Variants in CDC42SE2 observed in about 807,000 individuals in gnomAD.
CDC42SE2 encodes the protein CDC42 small effector protein 2.
In CDC42SE2, 3 loss-of-function variants were observed where a neutral mutation model predicts 11.5. The observed-to-expected ratio is 0.26, with a 90% CI of 0.12 to 0.67. The LOEUF (loss-of-function observed/expected upper bound fraction) is 0.67. CDC42SE2 is among the 30% of genes least tolerant of loss of function. The probability of loss-of-function intolerance (pLI) is 0.80; values close to 1 mark genes in which losing one functional copy is unlikely to be tolerated. For missense variants in CDC42SE2, 82 were observed against 106.8 expected (o/e 0.77, Z 1.02); for synonymous variants, 33 against 34.8 (o/e 0.95, Z 0.18).
intron 1 of CDC42SE2, among the ~76,000 whole-genome samples, chr5:131,268,919 T>G (rs373504719): frequency 6.6e-6 from 1 of 151,702 alleles, no homozygotes; most frequent in East Asian, 1.9e-4. Flanking sequence ...CCTGGCTAAT[T>G]TTTGTATTTT....
chr5:131,221,171 G>A, the CDC42SE2 span, among the ~76,000 whole-genome samples: 3 of 152,048 alleles, frequency 2.0e-5, no homozygotes, highest in Non-Finnish European at 4.4e-5. Flanking sequence ...CAGACGCCCA[G>A]CCTCACCAGA....
At chr5:131,268,896 G>A (rs1038846896) in intron 1 of CDC42SE2, among the ~76,000 whole-genome samples, 2 of 151,138 alleles carry the variant, frequency 1.3e-5, no homozygotes, top group Non-Finnish European at 2.9e-5. Flanking sequence ...GACTACAGGC[G>A]TGTGCCACCA....
At chr5:131,356,931 C>T (rs1374421804) in intron 2 of CDC42SE2, among the ~76,000 whole-genome samples, 2 of 151,996 alleles carry the variant, frequency 1.3e-5, no homozygotes, top group African/African-American at 4.8e-5. Flanking sequence ...TTTTTAATTT[C>T]ACAAAGGCTT....
At chr5:131,379,586 A>T (rs531063630) in intron 3 of CDC42SE2, among the ~76,000 whole-genome samples, 1 of 152,190 alleles carries the variant, frequency 6.6e-6, no homozygotes, top group South Asian at 2.1e-4. Context: ...CAAATTGTTT[A>T]GTTCATTATC....
the CDC42SE2 span, among the ~76,000 whole-genome samples, chr5:131,232,925 G>T: frequency 6.6e-6 from 1 of 150,456 alleles, no homozygotes. Context: ...TGACTAGGCT[G>T]CACACAGTAA....
chr5:131,286,146 C>T (rs1757335271), intron 1 of CDC42SE2, among the ~76,000 whole-genome samples: 1 of 150,916 alleles, frequency 6.6e-6, no homozygotes, highest in Non-Finnish European at 1.5e-5. Context: ...CCTCAACCTC[C>T]TGGGCTCAAG....
intron 2 of CDC42SE2, 134 bp from the exon 3 acceptor site, chr5:131,359,075 A>G (rs1749635378): frequency 6.3e-6 from 1 of 158,196 alleles, no homozygotes; most frequent in Non-Finnish European, 1.4e-5. Flanking sequence ...AATTTGTTGA[A>G]TCAATATCAG....
At chr5:131,228,695 T>A in the CDC42SE2 span, among the ~76,000 whole-genome samples, 1 of 152,212 alleles carries the variant, frequency 6.6e-6, no homozygotes, top group South Asian at 2.1e-4. Context: ...GAGGCCCTAA[T>A]TCCCAGTGTG....
chr5:131,377,598 A>G (rs559732997), intron 3 of CDC42SE2, among the ~76,000 whole-genome samples: 5 of 152,210 alleles, frequency 3.3e-5, no homozygotes, highest in African/African-American at 7.2e-5. Context: ...AACTTGCTCA[A>G]TCTGAAAATC....
intron 4 of CDC42SE2, among the ~76,000 whole-genome samples, chr5:131,386,704 T>C (rs1479228715): frequency 1.3e-5 from 2 of 152,220 alleles, no homozygotes; most frequent in Non-Finnish European, 2.9e-5. Flanking sequence ...TCCTCACATT[T>C]GCCTTAAAGC....
At chr5:131,338,262 T>A (rs1190102494) in intron 2 of CDC42SE2, among the ~76,000 whole-genome samples, 1 of 152,206 alleles carries the variant, frequency 6.6e-6, no homozygotes. Flanking sequence ...GTCTGATTCA[T>A]CCCAAACCCT....
chr5:131,391,118 C>T lies in CDC42SE2; in HGVS notation c.*27C>T. 1 of 1,561,234 alleles carries T rather than the reference C, an allele frequency of 6.4e-7. No individual in the cohort carries two copies. On this transcript the variant is annotated 3_prime_UTR_variant, in exon 5 of 5. Transcript: ENST00000505065. ...CCTGGTCCTTTCTCCAGTGAGTACTCAGAGCTGGGGTCTGGACCTGACGGC... is the reference window on the plus strand; with the variant it reads ...CCTGGTCCTTTCTCCAGTGAGTACTTAGAGCTGGGGTCTGGACCTGACGGC...
chr5:131,289,203 A>G (rs1580733318), intron 1 of CDC42SE2, among the ~76,000 whole-genome samples: 1 of 152,226 alleles, frequency 6.6e-6, no homozygotes, highest in Non-Finnish European at 1.5e-5. Context: ...TTTAATGGGA[A>G]GTACTGCTAT....
chr5:131,366,189 T>TATTCACTG (rs774701086), intron 3 of CDC42SE2, among the ~76,000 whole-genome samples: 2 of 152,214 alleles, frequency 1.3e-5, no homozygotes, highest in Non-Finnish European at 2.9e-5. Context: ...TAGTGGATGG[T>TATTCACTG]ATTCACTGTA....
chr5:131,292,983 G>A (rs982296753), intron 1 of CDC42SE2, among the ~76,000 whole-genome samples: 2 of 149,666 alleles, frequency 1.3e-5, no homozygotes, highest in Non-Finnish European at 3.0e-5. Flanking sequence ...TCATTTGAAT[G>A]TTGAATGAAT....
In CDC42SE2 at chr5:131,322,830, T is replaced by G. The variant is rs115832873; in HGVS notation, c.-286+6686T>G. Among the ~76,000 whole-genome samples, 616 of 152,282 alleles carry G rather than the reference T, an allele frequency of 4.0e-3. 6 individuals are homozygous for G. The highest frequency in any genetic ancestry group is 0.014 in the African/African-American group (596 of 41,562). On this transcript the variant is annotated intron_variant, in intron 2 of 4. Coordinates refer to ENST00000505065, the MANE Select transcript of CDC42SE2 (RefSeq NM_001375635.1). ...AATATATCCCAGAAGTAGATAGTATTTCTGTTTTTAATATTTTGGGGACCT... is the reference window on the plus strand; with the variant it reads ...AATATATCCCAGAAGTAGATAGTATGTCTGTTTTTAATATTTTGGGGACCT...
At chr5:131,274,676 C>G (rs555243225) in intron 1 of CDC42SE2, among the ~76,000 whole-genome samples, 1 of 152,154 alleles carries the variant, frequency 6.6e-6, no homozygotes, top group South Asian at 2.1e-4. Context: ...GAAGTCTTGA[C>G]CCTTCATCGT....
intron 3 of CDC42SE2, among the ~76,000 whole-genome samples, chr5:131,377,840 A>G (rs1750201540): frequency 6.6e-6 from 1 of 152,264 alleles, no homozygotes; most frequent in African/African-American, 2.4e-5. Context: ...AATTGGCATT[A>G]CATTGTTTAC....
At chr5:131,373,333 A>G (rs569992151) in intron 3 of CDC42SE2, among the ~76,000 whole-genome samples, 24 of 152,348 alleles carry the variant, frequency 1.6e-4, no homozygotes, top group African/African-American at 5.8e-4. Flanking sequence ...GAACCTATTT[A>G]GCTGAGTGAG....
Sources: gnomAD v4.1 joint callset for allele counts (sites outside exome capture counted in the v4.1 genomes callset) on GRCh38, gnomAD v4.1.1 for gene constraint, MANE v1.5 for transcripts, NCBI Gene and HGNC (gene_info 2026-07-23, HGNC 2026-07-21) for gene names.